Variants in MICAL3 observed in about 807,000 individuals in gnomAD.
MICAL3 encodes the protein microtubule associated monooxygenase, calponin and LIM domain containing 3.
MICAL3 carries 62 observed loss-of-function variants against 207.4 expected under a neutral mutation model. That is an observed-to-expected ratio of 0.30 (90% CI 0.24 to 0.37). MICAL3 has a LOEUF of 0.37. Ranked by LOEUF, MICAL3 falls within the 10% of genes least tolerant of loss-of-function variation. MICAL3 has a pLI of 1.00. For synonymous variants in MICAL3, 1,077 were observed against 1,069.3 expected (o/e 1.01, Z -0.14); for missense variants, 2,368 against 2,635.6 (o/e 0.90, Z 2.22).
chr22:18,018,649 G>C (rs1924226856), intron 1 of MICAL3, among the ~76,000 whole-genome samples: 1 of 152,148 alleles, frequency 6.6e-6, no homozygotes. Flanking sequence ...TTGAACCTGG[G>C]AGGCGGAGGT....
chr22:17,941,557 T>A (rs1234767216), intron 1 of MICAL3, among the ~76,000 whole-genome samples: 1 of 152,246 alleles, frequency 6.6e-6, no homozygotes, highest in Non-Finnish European at 1.5e-5. Flanking sequence ...CTTCAAATGC[T>A]ACACCAGAGC....
intron 19 of MICAL3, among the ~76,000 whole-genome samples, chr22:17,846,599 G>A (rs545688946): frequency 6.6e-6 from 1 of 152,292 alleles, no homozygotes; most frequent in East Asian, 1.9e-4. Flanking sequence ...GGAGGAGAGA[G>A]CAGGAGTGCA....
intron 19 of MICAL3, among the ~76,000 whole-genome samples, chr22:17,852,244 GT>G: frequency 6.6e-6 from 1 of 152,340 alleles, no homozygotes; most frequent in African/African-American, 2.4e-5. Context: ...CTGCAGATGT[GT>G]TTTTGGAAAG....
At chr22:17,820,912 A>ATAAACATAATTTTAATAAATTTATG (rs1569079892) in intron 25 of MICAL3, among the ~76,000 whole-genome samples, 1 of 83,118 alleles carries the variant, frequency 1.2e-5, no homozygotes, top group African/African-American at 3.9e-5. Context: ...ATAAATTTAT[A>ATAAACATAATTTTAATAAATTTATG]TTTATAAACA....
At chr22:17,915,320 C>T (rs1190861760) in intron 1 of MICAL3, among the ~76,000 whole-genome samples, 1 of 152,224 alleles carries the variant, frequency 6.6e-6, no homozygotes, top group Non-Finnish European at 1.5e-5. Context: ...GTCACCTACA[C>T]TTGGGCAGAC....
Position 17,900,747 on chromosome 22 carries a change from C to T in MICAL3, c.847+95G>A. Reference sequence around the variant, plus strand: ...GGAGGGGCAGACAGTGCAGGAGGGACACCGACGGCCACTCACCCCACCAAT... The same window carrying T: ...GGAGGGGCAGACAGTGCAGGAGGGATACCGACGGCCACTCACCCCACCAAT... On this transcript the variant is annotated intron_variant, in intron 6 of 31. Coordinates refer to ENST00000441493, the MANE Select transcript of MICAL3 (RefSeq NM_015241.3). This position sits in a 1 kb window ranked among gnomAD's most constrained non-coding sequence, Gnocchi z 4.0. 1 of 1,057,654 alleles carries T rather than the reference C, an allele frequency of 9.5e-7. No individual in the cohort carries two copies. The highest frequency in any genetic ancestry group is 1.4e-6 in the Non-Finnish European group (1 of 703,472). 65.5% of individuals were successfully genotyped at this position (1,057,654 alleles called of 1,614,324 possible). A position where few individuals can be genotyped will look rare whatever the true frequency, so the allele number is the denominator to read the frequency against.
intron 21 of MICAL3, 116 bp from the exon 22 acceptor site, chr22:17,827,897 G>C: frequency 8.9e-7 from 1 of 1,123,660 alleles, no homozygotes; most frequent in Non-Finnish European, 1.2e-6. Context: ...GTATGAATCA[G>C]AAAGAAGTAA....
intron 1 of MICAL3, among the ~76,000 whole-genome samples, chr22:17,967,457 C>A (rs1001127818): frequency 8.4e-6 from 1 of 118,564 alleles, no homozygotes; most frequent in African/African-American, 3.2e-5. Flanking sequence ...GGGCAGTGTA[C>A]ATGCAAACAC....
At chr22:17,970,502 T>C (rs1935361501) in intron 1 of MICAL3, among the ~76,000 whole-genome samples, 2 of 152,262 alleles carry the variant, frequency 1.3e-5, no homozygotes, top group Admixed American at 6.5e-5. Flanking sequence ...CGACTCACTA[T>C]GTGGCAGATG....
At chr22:18,011,121 C>T (rs762754483) in intron 1 of MICAL3, among the ~76,000 whole-genome samples, 5 of 152,182 alleles carry the variant, frequency 3.3e-5, no homozygotes, top group Non-Finnish European at 7.3e-5. Flanking sequence ...AATTGCAGCT[C>T]GGCCTCCAGG....
intron 1 of MICAL3, among the ~76,000 whole-genome samples, chr22:17,966,762 T>C (rs1170380242): frequency 1.3e-5 from 2 of 152,214 alleles, no homozygotes; most frequent in Non-Finnish European, 2.9e-5. Flanking sequence ...AAATGGTCCA[T>C]GAGTAATTAT....
intron 1 of MICAL3, among the ~76,000 whole-genome samples, chr22:17,916,681 C>G (rs1238474206): frequency 6.6e-6 from 1 of 152,154 alleles, no homozygotes; most frequent in East Asian, 1.9e-4. Context: ...CCCCACAACC[C>G]CACCGGCCTC....
chr22:17,909,989 T>C (rs1932005999), intron 1 of MICAL3, among the ~76,000 whole-genome samples: 1 of 152,222 alleles, frequency 6.6e-6, no homozygotes, highest in South Asian at 2.1e-4. Flanking sequence ...ACAGTCAACC[T>C]GAACTCCACC....
At chr22:17,931,680 CAT>C (rs1487906400) in intron 1 of MICAL3, among the ~76,000 whole-genome samples, 1 of 152,172 alleles carries the variant, frequency 6.6e-6, no homozygotes, top group Non-Finnish European at 1.5e-5. Context: ...CAGAAAGGGA[CAT>C]GTGGAGGAAG....
intron 10 of MICAL3, among the ~76,000 whole-genome samples, chr22:17,894,489 G>A (rs901150430): frequency 6.6e-6 from 1 of 151,612 alleles, no homozygotes; most frequent in African/African-American, 2.4e-5. Flanking sequence ...TACTAATAAT[G>A]CTGCCTCTTA....
chr22:17,884,854 T>C (rs1929736450), intron 16 of MICAL3, among the ~76,000 whole-genome samples: 3 of 152,122 alleles, frequency 2.0e-5, no homozygotes, highest in Admixed American at 2.0e-4. Context: ...GTGCAAAGAC[T>C]AGATGTGGGA....
intron 1 of MICAL3, among the ~76,000 whole-genome samples, chr22:17,935,653 T>C (rs529815224): frequency 6.6e-6 from 1 of 152,230 alleles, no homozygotes; most frequent in South Asian, 2.1e-4. Context: ...ACCTACAGAA[T>C]GGGAGAAAAT....
chr22:17,958,949 G>A (rs944735681), intron 1 of MICAL3, among the ~76,000 whole-genome samples: 11 of 150,366 alleles, frequency 7.3e-5, no homozygotes, highest in Admixed American at 6.6e-5. Flanking sequence ...CAGGTGATCT[G>A]CTCGCCTCGG....
chr22:17,864,129 T>C lies in MICAL3; in HGVS notation c.2605+770A>G, dbSNP rs951283565. On this transcript the variant is annotated intron_variant, in intron 19 of 31. Coordinates refer to ENST00000441493, the MANE Select transcript of MICAL3 (RefSeq NM_015241.3). ...GAGGCCATTTTAAGGAAAATCTACA[T>C]AATTCTTCCCAACAGGCCTGGTACC... 3 of 987,288 alleles carry C rather than the reference T, an allele frequency of 3.0e-6. No individual in the cohort carries two copies. The African/African-American group carries it at 5.2e-5, about 17-fold the overall frequency. The allele number at this position is 987,288 out of a possible 1,614,324, so 61.2% of individuals were successfully genotyped here.
Sources: gnomAD v4.1 joint callset for allele counts (sites outside exome capture counted in the v4.1 genomes callset) on GRCh38, gnomAD v4.1.1 for gene constraint, Gnocchi (gnomAD v3.1) non-coding constraint, MANE v1.5 for transcripts, NCBI Gene and HGNC (gene_info 2026-07-23, HGNC 2026-07-21) for gene names.